Variants in MAP3K10 observed in about 807,000 individuals in gnomAD.
MAP3K10 encodes MKN28 derived nonreceptor_type serine/threonine kinase.
MAP3K10 carries 22 observed loss-of-function variants against 75.0 expected under a neutral mutation model. The observed-to-expected ratio is 0.29, with a 90% CI of 0.21 to 0.42. MAP3K10 has a LOEUF of 0.42. MAP3K10 is among the 10% of genes least tolerant of loss of function. The pLI is 1.00. For synonymous variants in MAP3K10, 599 were observed against 612.9 expected (o/e 0.98, Z 0.34); for missense variants, 1,165 against 1,379.8 (o/e 0.84, Z 2.47).
chr19:40,211,709 G>A (rs528832530), intron 6 of MAP3K10, among the ~76,000 whole-genome samples: 8 of 152,114 alleles, frequency 5.3e-5, no homozygotes, highest in Admixed American at 2.0e-4. Context: ...ACATGATCTC[G>A]TTCCTTTTTA....
At chr19:40,194,683 C>A (rs1456697016) in intron 1 of MAP3K10, among the ~76,000 whole-genome samples, 2 of 152,228 alleles carry the variant, frequency 1.3e-5, no homozygotes, top group African/African-American at 4.8e-5. Context: ...TGCTTCCCCA[C>A]TCATCCTACC....
At position 40,191,992 on chromosome 19, in the gene MAP3K10, C is replaced by A; in HGVS notation, c.-40C>A. On this transcript the variant is annotated 5_prime_UTR_variant, in exon 1 of 10. The change creates a new upstream start codon in the 5' untranslated region. Transcript: ENST00000253055. ...CCGCCCTCTGCATCCCGCGGGCAGC[C>A]TGTGTGAAGCGGCCTCCCGCAGCCC... 7.5e-7 allele frequency: 1 copy of A among 1,332,062 alleles called. No homozygotes were observed. The highest frequency in any genetic ancestry group is 9.8e-7 in the Non-Finnish European group (1 of 1,020,916). 82.5% of individuals were successfully genotyped at this position (1,332,062 alleles called of 1,614,324 possible).
At position 40,204,440 on chromosome 19, in the gene MAP3K10, T is replaced by C. The variant is rs200458257; in HGVS notation, c.864-45T>C. The C allele has an allele frequency of 2.3e-5, 37 of 1,592,086 alleles. No homozygotes were observed. In the African/African-American group the frequency reaches 4.1e-4, roughly 18 times the overall value. On this transcript the variant is annotated intron_variant, in intron 2 of 9. Coordinates refer to ENST00000253055, the MANE Select transcript of MAP3K10 (RefSeq NM_002446.4). This position sits in a 1 kb window ranked among gnomAD's most constrained non-coding sequence, Gnocchi z 4.3. The stretch of plus-strand genomic sequence containing the variant: ...GGGCAGGGCTGGGTATAGGTGAGGA[T>C]TGGGGTGGGCTGCGACATCACCCCT...
chr19:40,205,326 G>A lies in MAP3K10; in HGVS notation c.1188+30G>A. On this transcript the variant is annotated intron_variant, in intron 4 of 9. Coordinates refer to ENST00000253055, the MANE Select transcript of MAP3K10 (RefSeq NM_002446.4). The surrounding 1 kb of genome is among the most constrained non-coding windows in gnomAD (Gnocchi z 4.3). ...AGGCAGGGGGCAAGGTGGGAAAGATGGAGCAAGACCCCTGAGTTCTGATGC... is the reference window on the plus strand; with the variant it reads ...AGGCAGGGGGCAAGGTGGGAAAGATAGAGCAAGACCCCTGAGTTCTGATGC... 6.2e-7 allele frequency: 1 copy of A among 1,611,520 alleles called. No homozygotes were observed. Among genetic ancestry groups the A allele is most frequent in the Non-Finnish European group, 8.5e-7 (1 of 1,178,456 alleles).
Position 40,204,334 on chromosome 19 carries a change from C to T in MAP3K10, c.864-151C>T, listed in dbSNP as rs530110296. 8 of 740,328 alleles carry T rather than the reference C, an allele frequency of 1.1e-5. No individual in the cohort carries two copies. In the African/African-American group the frequency reaches 1.4e-4, roughly 13 times the overall value. The allele number at this position is 740,328 out of a possible 1,614,324, so 45.9% of individuals were successfully genotyped here. On this transcript the variant is annotated intron_variant, in intron 2 of 9. Transcript: ENST00000253055. The surrounding 1 kb of genome is among the most constrained non-coding windows in gnomAD (Gnocchi z 4.3). ...CCACCCCATCTATTGGAGAACAAGG[C>T]CATGGAGGTCAAAGCAAGTTCTTGT...
chr19:40,195,471 C>CTTTTTTTTTTTTTTTTTT lies in MAP3K10; in HGVS notation c.682+2778_682+2795dup, dbSNP rs61289931. 6.2e-5 allele frequency among the ~76,000 whole-genome samples: 3 copies of CTTTTTTTTTTTTTTTTTT among 48,656 alleles called. 1 individual carries two copies. Among genetic ancestry groups the CTTTTTTTTTTTTTTTTTT allele is most frequent in the Non-Finnish European group, 8.8e-5 (2 of 22,798 alleles). 31.9% of individuals were successfully genotyped at this position (48,656 alleles called of 152,430 possible). ...GAGGTAACACTGAAGCCCGCCCGGCCTTTTTTTTTTTTTTTTTTTTTTTTT... is the reference window on the plus strand; with the variant it reads ...GAGGTAACACTGAAGCCCGCCCGGCCTTTTTTTTTTTTTTTTTTTTTTTTTTTTTTTTTTTTTTTTTTT... On this transcript the variant is annotated intron_variant, in intron 1 of 9. Coordinates refer to ENST00000253055, the MANE Select transcript of MAP3K10 (RefSeq NM_002446.4).
chr19:40,213,216 T>C lies in MAP3K10; in HGVS notation c.1837+28T>C. On this transcript the variant is annotated intron_variant, in intron 8 of 9. Coordinates refer to ENST00000253055, the MANE Select transcript of MAP3K10 (RefSeq NM_002446.4). This position sits in a 1 kb window ranked among gnomAD's most constrained non-coding sequence, Gnocchi z 5.7. ...AAGAGCCTGGGTTCTTGTAAGGGGG[T>C]GGGGGTTCCCTGGCCAAAGGGGTGA... is the stretch of plus-strand genomic sequence containing the variant. The C allele has an allele frequency of 1.3e-6, 2 of 1,534,860 alleles. No homozygotes were observed. The highest frequency in any genetic ancestry group is 8.8e-7 in the Non-Finnish European group (1 of 1,139,272).
chr19:40,213,218 G>T lies in MAP3K10; in HGVS notation c.1837+30G>T. Reference sequence around the variant, plus strand: ...GAGCCTGGGTTCTTGTAAGGGGGTGGGGGTTCCCTGGCCAAAGGGGTGAGC... The same window carrying T: ...GAGCCTGGGTTCTTGTAAGGGGGTGTGGGTTCCCTGGCCAAAGGGGTGAGC... On this transcript the variant is annotated intron_variant, in intron 8 of 9. Coordinates refer to ENST00000253055, the MANE Select transcript of MAP3K10 (RefSeq NM_002446.4). This position sits in a 1 kb window ranked among gnomAD's most constrained non-coding sequence, Gnocchi z 5.7. The T allele has an allele frequency of 6.5e-7, 1 of 1,531,994 alleles. No individual in the cohort carries two copies. The allele number at this position is 1,531,994 out of a possible 1,614,324, so 94.9% of individuals were successfully genotyped here.
Position 40,213,653 on chromosome 19 carries a change from G to A in MAP3K10, c.1974G>A (p.Ala658=), listed in dbSNP as rs1568494857. 5 of 1,309,306 alleles carry A rather than the reference G, an allele frequency of 3.8e-6. No individual in the cohort carries two copies. The highest frequency in any genetic ancestry group is 4.0e-5 in the Admixed American group (1 of 25,306). 81.1% of individuals were successfully genotyped at this position (1,309,306 alleles called of 1,614,324 possible). A position where few individuals can be genotyped will look rare whatever the true frequency, so the allele number is the denominator to read the frequency against. Residue 658 remains alanine (A), a synonymous_variant, in exon 9 of 10, where the codon GCG becomes GCA. Transcript: ENST00000253055. The surrounding 1 kb of genome is among the most constrained non-coding windows in gnomAD (Gnocchi z 5.7). The part of the protein sequence containing the change: ...ARAPWEPTPS[A]PPARWGHGAR... ...CGCCGTGGGAGCCGACGCCGTCCGC[G>A]CCCCCCGCTCGGTGGGGACACGGCG...
chr19:40,205,890 G>T lies in MAP3K10; in HGVS notation c.1189-21G>T. On this transcript the variant is annotated intron_variant, in intron 4 of 9. Transcript: ENST00000253055. This position sits in a 1 kb window ranked among gnomAD's most constrained non-coding sequence, Gnocchi z 4.3. ...CAGAGCAGCTAAGCCCCTCCCCCCAGCCACCGCCTCTCCTTCCCAGGAGCT... is the reference window on the plus strand; with the variant it reads ...CAGAGCAGCTAAGCCCCTCCCCCCATCCACCGCCTCTCCTTCCCAGGAGCT... 1 of 1,509,708 alleles carries T rather than the reference G, an allele frequency of 6.6e-7. No homozygotes were observed. The highest frequency in any genetic ancestry group is 8.9e-7 in the Non-Finnish European group (1 of 1,124,624). 93.5% of individuals were successfully genotyped at this position (1,509,708 alleles called of 1,614,324 possible).
At chr19:40,200,885 C>T (rs1348393632) in intron 2 of MAP3K10, among the ~76,000 whole-genome samples, 2 of 152,008 alleles carry the variant, frequency 1.3e-5, no homozygotes, top group Non-Finnish European at 2.9e-5. Context: ...GCTGGGATTA[C>T]AGGCATGAGT....
rs530215934 is a variant in MAP3K10, at chr19:40,204,752, G to T, written c.1012+119G>T. 2.4e-6 allele frequency: 3 copies of T among 1,256,648 alleles called. No individual in the cohort carries two copies. In the East Asian group the frequency reaches 7.6e-5, roughly 32 times the overall value. The allele number at this position is 1,256,648 out of a possible 1,614,324, so 77.8% of individuals were successfully genotyped here. ...TGGGCCCAGGAGTGAGGAAGAAGGG[G>T]CTGGAACCCACTGGACTCTAAACAG... is the stretch of plus-strand genomic sequence containing the variant. On this transcript the variant is annotated intron_variant, in intron 3 of 9. Transcript: ENST00000253055. This position sits in a 1 kb window ranked among gnomAD's most constrained non-coding sequence, Gnocchi z 4.3.
In MAP3K10 at chr19:40,213,621, G is replaced by T; in HGVS notation, c.1942G>T (p.Ala648Ser). 3.2e-6 allele frequency: 5 copies of T among 1,545,092 alleles called. No individual in the cohort carries two copies. The highest frequency in any genetic ancestry group is 4.3e-6 in the Non-Finnish European group (5 of 1,149,520). ...ACTGCCTGCCGAGCCCTCCCCGGGG[G>T]CGCGGGCGCCGTGGGAGCCGACGCC... is the stretch of plus-strand genomic sequence containing the variant. ...VPLPAEPSPG[A>S]RAPWEPTPSA... The change falls in exon 9 of 10, where the codon GCG (alanine) becomes TCG (serine). Residue 648 changes from alanine to serine, a missense_variant. This residue lies in a region of MAP3K10 where 590 missense variants were observed against 586.6 expected (regional missense o/e 1.01). Coordinates refer to ENST00000253055, the MANE Select transcript of MAP3K10 (RefSeq NM_002446.4). This position sits in a 1 kb window ranked among gnomAD's most constrained non-coding sequence, Gnocchi z 5.7.
In MAP3K10 at chr19:40,206,155, C is replaced by G. The variant is rs1007992552; in HGVS notation, c.1433C>G (p.Ser478Cys). ...REGGSHISLPSGFEHKITVQA... is the reference protein window; with the variant it reads ...REGGSHISLPCGFEHKITVQA... ...GGCGGCAGCCACATCAGCCTGCCCT[C>G]TGGTACCCACCCGTGTCCCCAGAGC... The change falls in exon 5 of 10, where the codon TCT becomes TGT. Residue 478 changes from serine to cysteine, a missense_variant and splice_region_variant. By Grantham distance (112) the Ser-to-Cys change is moderately radical. This residue lies in a region of MAP3K10 where 575 missense variants were observed against 793.2 expected (regional missense o/e 0.72). Transcript: ENST00000253055. The G allele has an allele frequency of 1.2e-6, 2 of 1,601,168 alleles. No individual in the cohort carries two copies. The highest frequency in any genetic ancestry group is 1.7e-6 in the Non-Finnish European group (2 of 1,170,734).
intron 9 of MAP3K10, 122 bp from the exon 10 acceptor site, chr19:40,214,848 C>T (rs937180023): frequency 5.7e-5 from 35 of 616,612 alleles, no homozygotes; most frequent in Middle Eastern, 2.6e-4. Context: ...AAACTGGATG[C>T]AGCAAGATCC....
chr19:40,209,291 C>T, intron 6 of MAP3K10, 72 bp downstream of exon 6: 3 of 1,208,754 alleles, frequency 2.5e-6, no homozygotes, highest in Non-Finnish European at 3.6e-6. Context: ...ATGTTTATAC[C>T]TGGCACCAAG....
At chr19:40,194,159 G>A (rs980569841) in intron 1 of MAP3K10, among the ~76,000 whole-genome samples, 3 of 152,094 alleles carry the variant, frequency 2.0e-5, no homozygotes, top group Non-Finnish European at 4.4e-5. Flanking sequence ...TCAGGAGTTC[G>A]AGACCAGCCT....
At chr19:40,208,603 G>A (rs943882968) in intron 5 of MAP3K10, among the ~76,000 whole-genome samples, 17 of 151,218 alleles carry the variant, frequency 1.1e-4, no homozygotes, top group African/African-American at 2.9e-4. Context: ...TTTGGGAGGC[G>A]GATGCTGGAG....
chr19:40,192,386 G>A lies in MAP3K10; in HGVS notation c.355G>A (p.Gly119Ser), dbSNP rs1972836110. 6.2e-7 allele frequency: 1 copy of A among 1,613,884 alleles called. No homozygotes were observed. The highest frequency in any genetic ancestry group is 8.5e-7 in the Non-Finnish European group (1 of 1,179,932). Residue 119 changes from glycine to serine, a missense_variant, in exon 1 of 10, where the codon GGC becomes AGC. Gly to Ser is a moderately conservative substitution (Grantham distance 56, BLOSUM62 0). Around this residue, in one of 2 missense-constraint regions of MAP3K10, gnomAD observed 575 missense variants for 793.2 expected, o/e 0.72. Coordinates refer to ENST00000253055, the MANE Select transcript of MAP3K10 (RefSeq NM_002446.4). This position sits in a 1 kb window ranked among gnomAD's most constrained non-coding sequence, Gnocchi z 7.1. Reference protein sequence around the residue: ...FGKVYRALWRGEEVAVKAARL... With the variant: ...FGKVYRALWRSEEVAVKAARL... ...CAAGGTCTATCGGGCCCTGTGGCGT[G>A]GCGAGGAGGTGGCAGTCAAGGCCGC...
Sources: allele counts gnomAD v4.1 joint callset (sites outside exome capture counted in the v4.1 genomes callset), GRCh38; gene constraint gnomAD v4.1.1; regional missense constraint gnomAD v4.1.1; non-coding constraint Gnocchi (gnomAD v3.1); transcripts MANE v1.5; gene names NCBI Gene and HGNC (gene_info 2026-07-23, HGNC 2026-07-21).